Variants in CRHBP observed in about 807,000 individuals in gnomAD.
The protein encoded by CRHBP is corticotropin releasing hormone binding protein, also known as corticotropin-releasing hormone-binding protein.
In CRHBP, 19 loss-of-function variants were observed where a neutral mutation model predicts 34.9. The observed-to-expected ratio is 0.55, with a 90% confidence interval of 0.38 to 0.80. The LOEUF (loss-of-function observed/expected upper bound fraction) is 0.80. CRHBP is among the 30% of genes least tolerant of loss of function. The probability of loss-of-function intolerance (pLI) is 0.00; values close to 1 mark genes in which losing one functional copy is unlikely to be tolerated. For synonymous variants in CRHBP, 154 were observed against 153.4 expected, an observed-to-expected ratio of 1.00 and a Z score of -0.03; for missense variants, 328 against 409.2, an observed-to-expected ratio of 0.80 and a Z score of 1.71.
At chr5:76,965,098 G>C (rs1240997672) in intron 6 of CRHBP, among the ~76,000 whole-genome samples, 1 of 151,972 alleles carries the variant, frequency 6.6e-6, no homozygotes, top group Admixed American at 6.6e-5. Context: ...GTAATCTACA[G>C]ATGATTTAAA....
chr5:76,963,153 G>T, intron 5 of CRHBP, 190 bp from the exon 6 acceptor site: 1 of 558,660 alleles, frequency 1.8e-6, no homozygotes, highest in Non-Finnish European at 3.2e-6. Flanking sequence ...AACTGATTTA[G>T]AAAAGCAATT....
intron 6 of CRHBP, among the ~76,000 whole-genome samples, chr5:76,964,588 T>C (rs983750506): frequency 6.6e-6 from 1 of 152,226 alleles, no homozygotes; most frequent in South Asian, 2.1e-4. Flanking sequence ...GCGCGGTGTC[T>C]CACGCCTGTA....
Position 76,969,016 on chromosome 5 carries a change from C to A in CRHBP, c.*131C>A. ...ATTCCCAGCCTTGAGCGCACGCGCG[C>A]ACACACACACACACATACACACACG... is the stretch of plus-strand genomic sequence containing the variant. On this transcript the variant is annotated 3_prime_UTR_variant, in exon 7 of 7. Coordinates refer to ENST00000274368, the MANE Select transcript of CRHBP (RefSeq NM_001882.4). 2 of 667,982 alleles carry A rather than the reference C, an allele frequency of 3.0e-6. No homozygotes were observed. Among genetic ancestry groups the A allele is most frequent in the Non-Finnish European group, 4.6e-6 (2 of 438,774 alleles). The allele number at this position is 667,982 out of a possible 1,614,324, so 41.4% of individuals were successfully genotyped here.
chr5:76,965,029 C>A (rs545985087), intron 6 of CRHBP, among the ~76,000 whole-genome samples: 133 of 150,718 alleles, frequency 8.8e-4, no homozygotes, highest in Middle Eastern at 3.4e-3. Flanking sequence ...AAAAAACACA[C>A]AAAAAAATAC....
chr5:76,963,501 AT>A (rs770838902), intron 6 of CRHBP, 41 bp downstream of exon 6: 1 of 1,517,830 alleles, frequency 6.6e-7, no homozygotes, highest in Non-Finnish European at 9.1e-7. Context: ...GCCTATCAAG[AT>A]TAAAAAAAAA....
intron 3 of CRHBP, among the ~76,000 whole-genome samples, chr5:76,954,604 C>T (rs1284281049): frequency 1.3e-5 from 2 of 152,208 alleles, no homozygotes; most frequent in East Asian, 3.9e-4. Flanking sequence ...AAGGCCCGCC[C>T]CACACGTCTC....
intron 3 of CRHBP, among the ~76,000 whole-genome samples, chr5:76,955,137 A>T (rs754073667): frequency 6.6e-6 from 1 of 152,342 alleles, no homozygotes; most frequent in Non-Finnish European, 1.5e-5. Context: ...TGACATTTTA[A>T]AGTAATATGT....
intron 6 of CRHBP, among the ~76,000 whole-genome samples, chr5:76,968,390 A>G (rs1046483419): frequency 2.6e-5 from 4 of 152,122 alleles, no homozygotes; most frequent in African/African-American, 9.7e-5. Flanking sequence ...TGCACACTCC[A>G]GACTGATTGC....
intron 4 of CRHBP, among the ~76,000 whole-genome samples, chr5:76,956,697 C>T (rs557916946): frequency 1.3e-5 from 2 of 148,700 alleles, no homozygotes; most frequent in African/African-American, 2.5e-5. Context: ...GCGCTCCAGC[C>T]GGGGTGACAA....
chr5:76,979,473 C>T (rs1228148818), intron 3 of CRHBP, among the ~76,000 whole-genome samples: 1 of 152,164 alleles, frequency 6.6e-6, no homozygotes, highest in Non-Finnish European at 1.5e-5. Context: ...GCCTCAGCCT[C>T]CCGAGTAGCT....
chr5:76,974,344 G>T (rs7734134), downstream of CRHBP, among the ~76,000 whole-genome samples: 17,036 of 150,834 alleles, frequency 0.11, 1,983 homozygotes, highest in African/African-American at 0.3. Context: ...TAGAGAGGGG[G>T]TTTCACCCTA....
chr5:76,962,732 A>C (rs1397504193), intron 5 of CRHBP, among the ~76,000 whole-genome samples: 2 of 152,186 alleles, frequency 1.3e-5, no homozygotes, highest in Non-Finnish European at 2.9e-5. Context: ...AGTTGAAAGG[A>C]GAAAGATCAT....
At chr5:76,974,578 C>G (rs1276153222) in intron 2 of CRHBP, among the ~76,000 whole-genome samples, 1 of 152,012 alleles carries the variant, frequency 6.6e-6, no homozygotes, top group East Asian at 1.9e-4. Flanking sequence ...CTCAAAAGCA[C>G]CCAAAAGAGA....
At chr5:76,958,636 C>A in intron 4 of CRHBP, 105 bp from the exon 5 acceptor site, 1 of 1,284,476 alleles carries the variant, frequency 7.8e-7, no homozygotes, top group Non-Finnish European at 1.1e-6. Flanking sequence ...GGGCAGAAGG[C>A]CCTAGATCAT....
Position 76,953,601 on chromosome 5 carries a change from C to A in CRHBP, c.82C>A (p.Leu28Met). The A allele has an allele frequency of 1.2e-6, 2 of 1,612,712 alleles. No individual in the cohort carries two copies. Among genetic ancestry groups the A allele is most frequent in the South Asian group, 2.2e-5 (2 of 90,550 alleles). The stretch of plus-strand genomic sequence containing the variant: ...CGGACTGACCTATGTTTCTTGCCAG[C>A]TGAGGGAAGCGGCGGACTACGATCC... The part of the protein sequence containing the change: ...ALRGESRYLE[L>M]REAADYDPFL... Residue 28 changes from leucine (L) to methionine (M), a missense_variant and splice_region_variant, in exon 2 of 7, where the codon CTG becomes ATG. By Grantham distance (15) the Leu-to-Met change is conservative. Around this residue, in one of 3 missense-constraint regions of CRHBP, gnomAD observed 173 missense variants for 172.2 expected, o/e 1.00. Coordinates refer to ENST00000274368, the MANE Select transcript of CRHBP (RefSeq NM_001882.4).
chr5:76,975,825 A>AATATATATATATATAT (rs1217039736), intron 2 of CRHBP, among the ~76,000 whole-genome samples: 115 of 61,510 alleles, frequency 1.9e-3, no homozygotes, highest in Middle Eastern at 8.9e-3. Context: ...AAAAAAAAAA[A>AATATATATATATATAT]ATATATATAT....
At chr5:76,953,720 G>T in intron 2 of CRHBP, 26 bp downstream of exon 2, 3 of 1,583,010 alleles carry the variant, frequency 1.9e-6, no homozygotes, top group Non-Finnish European at 2.6e-6. Flanking sequence ...CCGGCTCGCG[G>T]GCGCCCGGGA....
At chr5:76,979,382 C>T (rs549493525) in intron 3 of CRHBP, among the ~76,000 whole-genome samples, 5 of 152,036 alleles carry the variant, frequency 3.3e-5, no homozygotes, top group South Asian at 4.2e-4. Context: ...GACAGAGTTT[C>T]GCTTTGTCTC....
At chr5:76,976,923 G>T (rs188874367) in intron 3 of CRHBP, among the ~76,000 whole-genome samples, 1 of 152,090 alleles carries the variant, frequency 6.6e-6, no homozygotes, top group Non-Finnish European at 1.5e-5. Context: ...AAATAGGGTG[G>T]TCCATTGGCA....
Sources: allele counts gnomAD v4.1 joint callset (sites outside exome capture counted in the v4.1 genomes callset), GRCh38; gene constraint gnomAD v4.1.1; regional missense constraint gnomAD v4.1.1; transcripts MANE v1.5; gene names NCBI Gene and HGNC (gene_info 2026-07-23, HGNC 2026-07-21).